CTNNA3: variants seen among roughly 807,000 people sequenced by gnomAD.
The protein encoded by CTNNA3 is catenin alpha 3.
A neutral mutation model predicts 95.7 loss-of-function variants in CTNNA3; 76 were observed. The ratio of observed to expected loss-of-function variants is 0.79; its 90% CI spans 0.66 to 0.96. CTNNA3 has a LOEUF of 0.96. Ranked by LOEUF, CTNNA3 falls within the 40% of genes least tolerant of loss-of-function variation. CTNNA3 has a pLI of 0.00. For synonymous variants in CTNNA3, 431 were observed against 374.4 expected (o/e 1.15, Z -1.74); for missense variants, 1,191 against 1,089.8 (o/e 1.09, Z -1.31).
chr10:66,667,583 T>G (rs1846501430), intron 9 of CTNNA3, among the ~76,000 whole-genome samples: 1 of 152,168 alleles, frequency 6.6e-6, no homozygotes, highest in Admixed American at 6.5e-5. Context: ...GAATGTCAAG[T>G]GTCTCACAGA....
chr10:67,319,936 G>C (rs980579873), intron 5 of CTNNA3, among the ~76,000 whole-genome samples: 1 of 150,390 alleles, frequency 6.6e-6, no homozygotes, highest in Non-Finnish European at 1.5e-5. Context: ...AAGAAGATCT[G>C]TCTCTGAACT....
intron 17 of CTNNA3, among the ~76,000 whole-genome samples, chr10:65,957,275 A>G (rs1289288107): frequency 1.3e-5 from 2 of 151,952 alleles, no homozygotes; most frequent in Non-Finnish European, 2.9e-5. Flanking sequence ...TTTTGAGCCT[A>G]TGTGTGTCTC....
At chr10:66,666,647 T>C (rs937704286) in intron 9 of CTNNA3, among the ~76,000 whole-genome samples, 4 of 152,228 alleles carry the variant, frequency 2.6e-5, no homozygotes, top group Admixed American at 6.5e-5. Context: ...AAATATGTCT[T>C]AAAATGTGGT....
chr10:66,873,275 T>A (rs2132446033), intron 7 of CTNNA3, among the ~76,000 whole-genome samples: 1 of 152,344 alleles, frequency 6.6e-6, no homozygotes, highest in South Asian at 2.1e-4. Context: ...CAAACTGCTT[T>A]CCACAGTGGC....
chr10:66,466,652 T>A (rs1367299762), intron 11 of CTNNA3, among the ~76,000 whole-genome samples: 3 of 152,044 alleles, frequency 2.0e-5, no homozygotes, highest in Non-Finnish European at 4.4e-5. Flanking sequence ...CTCTTTCATT[T>A]CACTGAGGTC....
At chr10:65,942,863 G>A (rs1318112049) in intron 17 of CTNNA3, among the ~76,000 whole-genome samples, 17 of 152,034 alleles carry the variant, frequency 1.1e-4, no homozygotes, top group Admixed American at 9.2e-4. Flanking sequence ...AGTACCTCAC[G>A]GACCAGTTAC....
chr10:67,652,772 G>A (rs7082040), intron 1 of CTNNA3, among the ~76,000 whole-genome samples: 20,111 of 152,122 alleles, frequency 0.13, 1,436 homozygotes, highest in Non-Finnish European at 0.16. Context: ...TGACATCATA[G>A]TTTAGATGTA....
intron 15 of CTNNA3, among the ~76,000 whole-genome samples, chr10:66,039,397 A>G (rs1041239725): frequency 6.6e-6 from 1 of 152,210 alleles, no homozygotes; most frequent in African/African-American, 2.4e-5. Flanking sequence ...TTTGAAATTC[A>G]TATGAAACCA....
At chr10:66,396,672 G>A (rs2092980512) in intron 11 of CTNNA3, among the ~76,000 whole-genome samples, 1 of 151,978 alleles carries the variant, frequency 6.6e-6, no homozygotes, top group Middle Eastern at 3.4e-3. Flanking sequence ...AGTTAGATCA[G>A]GAAATAATAG....
At chr10:67,725,576 C>A (rs1286232332) in intron 1 of CTNNA3, among the ~76,000 whole-genome samples, 1 of 151,962 alleles carries the variant, frequency 6.6e-6, no homozygotes, top group Admixed American at 6.6e-5. Context: ...ATATCAGAGT[C>A]CCCTACCTAA....
At chr10:67,421,147 T>C (rs896197268) in intron 5 of CTNNA3, among the ~76,000 whole-genome samples, 15 of 152,146 alleles carry the variant, frequency 9.9e-5, no homozygotes, top group African/African-American at 3.6e-4. Context: ...ATCAATAAAA[T>C]CTATGGAGCA....
intron 5 of CTNNA3, among the ~76,000 whole-genome samples, chr10:67,469,308 A>C (rs1247013389): frequency 6.6e-6 from 1 of 152,188 alleles, no homozygotes; most frequent in Admixed American, 6.5e-5. Context: ...AATAATAGAA[A>C]TGTAAGAATC....
intron 6 of CTNNA3, among the ~76,000 whole-genome samples, chr10:67,186,045 A>ACT (rs1190577041): frequency 1.5e-4 from 22 of 150,470 alleles, no homozygotes; most frequent in South Asian, 4.2e-4. Flanking sequence ...AAAAAAAAAA[A>ACT]ATTAAACCAT....
At chr10:67,056,116 A>C (rs1394746915) in intron 7 of CTNNA3, among the ~76,000 whole-genome samples, 2 of 152,118 alleles carry the variant, frequency 1.3e-5, no homozygotes, top group African/African-American at 4.8e-5. Context: ...GAGAAAATAA[A>C]AGGGTAGTCT....
chr10:66,936,306 C>T (rs192838759), intron 7 of CTNNA3, among the ~76,000 whole-genome samples: 45 of 151,922 alleles, frequency 3.0e-4, no homozygotes, highest in African/African-American at 1.1e-3. Context: ...TCACATTATA[C>T]GTTTCTTAAT....
chr10:67,702,564 T>G (rs1841047989), intron 1 of CTNNA3, among the ~76,000 whole-genome samples: 1 of 152,214 alleles, frequency 6.6e-6, no homozygotes, highest in Non-Finnish European at 1.5e-5. Flanking sequence ...AATAAAGATG[T>G]TCTTTGAAAC....
chr10:66,685,610 G>A (rs1847269254), intron 9 of CTNNA3, among the ~76,000 whole-genome samples: 1 of 150,920 alleles, frequency 6.6e-6, no homozygotes, highest in Admixed American at 6.6e-5. Flanking sequence ...CTGACCTCGT[G>A]ATCCGCCCAC....
chr10:66,226,541 T>C (rs948512746), intron 13 of CTNNA3, among the ~76,000 whole-genome samples: 3 of 152,004 alleles, frequency 2.0e-5, no homozygotes, highest in East Asian at 1.9e-4. Flanking sequence ...TTGAGGTCTT[T>C]CGTGGTTCCA....
At chr10:67,494,757 C>T (rs1838972919) in intron 5 of CTNNA3, among the ~76,000 whole-genome samples, 2 of 152,190 alleles carry the variant, frequency 1.3e-5, no homozygotes, top group Admixed American at 6.5e-5. Flanking sequence ...TTAAGAATTA[C>T]TTCTTGAACT....
Sources: allele counts gnomAD v4.1 joint callset (sites outside exome capture counted in the v4.1 genomes callset), GRCh38; gene constraint gnomAD v4.1.1; transcripts MANE v1.5; gene names NCBI Gene and HGNC (gene_info 2026-07-23, HGNC 2026-07-21).